Variants in ARHGAP42 observed in about 807,000 individuals in gnomAD.
The protein encoded by ARHGAP42 is rho GTPase-activating protein 42.
Under a neutral mutation model 125.0 loss-of-function variants are expected in ARHGAP42, and 63 were observed. That is an observed-to-expected ratio of 0.50 (90% CI 0.41 to 0.62). The LOEUF is 0.62. Ranked by LOEUF, ARHGAP42 falls within the 20% of genes least tolerant of loss-of-function variation. The pLI is 0.00. For missense variants in ARHGAP42, 766 were observed against 1,024.2 expected (o/e 0.75, Z 3.44); for synonymous variants, 339 against 351.0 (o/e 0.97, Z 0.38).
At chr11:100,866,357 C>G (rs187668168) in intron 4 of ARHGAP42, among the ~76,000 whole-genome samples, 1 of 152,248 alleles carries the variant, frequency 6.6e-6, no homozygotes, top group Non-Finnish European at 1.5e-5. Flanking sequence ...GAATCATAAA[C>G]GTTGTCAATG....
intron 3 of ARHGAP42, among the ~76,000 whole-genome samples, chr11:100,832,530 C>T (rs995297008): frequency 3.3e-5 from 5 of 152,132 alleles, no homozygotes; most frequent in Admixed American, 1.3e-4. Flanking sequence ...CTTCCTAACA[C>T]GATGTATGAA....
chr11:100,937,109 G>C (rs1867757948), intron 8 of ARHGAP42, among the ~76,000 whole-genome samples: 1 of 152,188 alleles, frequency 6.6e-6, no homozygotes, highest in South Asian at 2.1e-4. Flanking sequence ...ATTTGTTGGA[G>C]AGCAGGACAC....
At chr11:100,816,458 A>T (rs12361454) in intron 3 of ARHGAP42, among the ~76,000 whole-genome samples, 11,342 of 152,216 alleles carry the variant, frequency 0.075, 536 homozygotes, top group Middle Eastern at 0.11. Flanking sequence ...TGAATATTTT[A>T]AAGTAATAGG....
At chr11:100,867,467 C>A (rs959347070) in intron 4 of ARHGAP42, among the ~76,000 whole-genome samples, 1 of 152,194 alleles carries the variant, frequency 6.6e-6, no homozygotes, top group Admixed American at 6.5e-5. Context: ...ACTTTTCTTC[C>A]CCATGAACCA....
intron 3 of ARHGAP42, among the ~76,000 whole-genome samples, chr11:100,826,859 A>G (rs191506073): frequency 1.1e-4 from 16 of 152,282 alleles, no homozygotes; most frequent in Non-Finnish European, 7.4e-5. Context: ...TTACCAGATC[A>G]AGCTAGAGAT....
intron 3 of ARHGAP42, among the ~76,000 whole-genome samples, chr11:100,803,213 TA>T (rs34702756): frequency 6.8e-5 from 10 of 147,910 alleles, no homozygotes; most frequent in Non-Finnish European, 7.4e-5. Flanking sequence ...CAATCTCTAC[TA>T]AAAAAAAAAA....
chr11:100,987,131 G>T (rs952187527), intron 22 of ARHGAP42, among the ~76,000 whole-genome samples: 5 of 151,978 alleles, frequency 3.3e-5, no homozygotes, highest in African/African-American at 7.2e-5. Context: ...ACATGAAAGT[G>T]GGGGAAAAAA....
chr11:100,858,912 C>T (rs941614331), intron 3 of ARHGAP42, among the ~76,000 whole-genome samples: 6 of 151,986 alleles, frequency 3.9e-5, no homozygotes, highest in Non-Finnish European at 7.4e-5. Context: ...TCTTGCACTC[C>T]CATTGTAGTA....
intron 3 of ARHGAP42, among the ~76,000 whole-genome samples, chr11:100,807,028 A>C (rs1240906907): frequency 6.6e-6 from 1 of 151,894 alleles, no homozygotes; most frequent in Non-Finnish European, 1.5e-5. Flanking sequence ...TTGTATTTTT[A>C]ATAGAGACGG....
In ARHGAP42 at chr11:100,990,319, T is replaced by G. The variant is rs1193566484; in HGVS notation, c.*1518T>G. ...TAAAAAACTCTTTACATGCCATTAT[T>G]ATCTGTAATCTCTATCTCTTCTACT... On this transcript the variant is annotated 3_prime_UTR_variant, in exon 24 of 24. Transcript: ENST00000298815. 1.3e-5 allele frequency: 2 copies of G among 152,144 alleles called. No homozygotes were observed. Among genetic ancestry groups the G allele is most frequent in the Non-Finnish European group, 2.9e-5 (2 of 68,002 alleles). 9.4% of individuals were successfully genotyped at this position (152,144 alleles called of 1,614,324 possible).
chr11:100,992,729 T>C lies in ARHGAP42; in HGVS notation c.*3928T>C. 6.5e-7 allele frequency: 1 copy of C among 1,530,422 alleles called. No individual in the cohort carries two copies. Among genetic ancestry groups the C allele is most frequent in the Non-Finnish European group, 8.8e-7 (1 of 1,142,682 alleles). 94.8% of individuals were successfully genotyped at this position (1,530,422 alleles called of 1,614,324 possible). ...ACTTTTAGAGGATCAAATCAATAAA[T>C]TGGATTTTTTATTTTTTGAGGGCAG... is the stretch of plus-strand genomic sequence containing the variant. On this transcript the variant is annotated 3_prime_UTR_variant, in exon 24 of 24. Transcript: ENST00000298815.
At chr11:100,862,723 A>G (rs764991379) in intron 4 of ARHGAP42, among the ~76,000 whole-genome samples, 2 of 152,144 alleles carry the variant, frequency 1.3e-5, no homozygotes, top group Non-Finnish European at 2.9e-5. Context: ...AGTAAAGTGA[A>G]TAGTGAATTA....
At chr11:100,910,287 C>G (rs563163081) in intron 4 of ARHGAP42, among the ~76,000 whole-genome samples, 1 of 152,290 alleles carries the variant, frequency 6.6e-6, no homozygotes, top group African/African-American at 2.4e-5. Flanking sequence ...ATACTAAAAA[C>G]AGTACTATGC....
intron 1 of ARHGAP42, among the ~76,000 whole-genome samples, chr11:100,717,376 G>A (rs1458280488): frequency 6.6e-6 from 1 of 152,156 alleles, no homozygotes; most frequent in African/African-American, 2.4e-5. Flanking sequence ...GGTGGCTCAT[G>A]CCTGTAATCC....
At chr11:100,775,058 T>C (rs1863085701) in intron 2 of ARHGAP42, among the ~76,000 whole-genome samples, 1 of 152,020 alleles carries the variant, frequency 6.6e-6, no homozygotes, top group African/African-American at 2.4e-5. Context: ...TTGAAGAGCA[T>C]CAAGAGGCCA....
At chr11:100,776,383 A>G (rs1448332931) in intron 2 of ARHGAP42, among the ~76,000 whole-genome samples, 1 of 152,178 alleles carries the variant, frequency 6.6e-6, no homozygotes, top group Non-Finnish European at 1.5e-5. Flanking sequence ...GAGATTAAAC[A>G]TTTACCAAGA....
intron 3 of ARHGAP42, among the ~76,000 whole-genome samples, chr11:100,825,800 G>A (rs1864503239): frequency 6.6e-6 from 1 of 152,148 alleles, no homozygotes. Flanking sequence ...CACATTCAGT[G>A]TGCATGTGTT....
intron 1 of ARHGAP42, among the ~76,000 whole-genome samples, chr11:100,757,768 A>G (rs1299686423): frequency 1.3e-5 from 2 of 152,196 alleles, no homozygotes; most frequent in African/African-American, 4.8e-5. Context: ...ACAAAAAAAC[A>G]CTGTGTAAAT....
At chr11:100,987,910 A>C (rs1036330429) in intron 23 of ARHGAP42, among the ~76,000 whole-genome samples, 1 of 152,146 alleles carries the variant, frequency 6.6e-6, no homozygotes, top group Non-Finnish European at 1.5e-5. Context: ...CGGGCGGATC[A>C]TGAGGTCAAG....
Sources: gnomAD v4.1 joint callset for allele counts (sites outside exome capture counted in the v4.1 genomes callset) on GRCh38, gnomAD v4.1.1 for gene constraint, MANE v1.5 for transcripts, NCBI Gene and HGNC (gene_info 2026-07-23, HGNC 2026-07-21) for gene names.